The following RBM42 variants were observed in gnomAD, a reference collection of about 807,000 sequenced individuals.
RBM42 encodes RNA binding motif protein 42, also known as RNA-binding protein 42.
In RBM42, 21 loss-of-function variants were observed where a neutral mutation model predicts 41.4. That is an observed-to-expected ratio of 0.51 (90% CI 0.36 to 0.73). The LOEUF (loss-of-function observed/expected upper bound fraction) is 0.73. RBM42 is among the 30% of genes least tolerant of loss of function. The pLI, the probability that RBM42 is intolerant of heterozygous loss-of-function variation, is 0.00. For missense variants in RBM42, 539 were observed against 680.4 expected (o/e 0.79, Z 2.31); for synonymous variants, 272 against 271.2 (o/e 1.00, Z -0.03).
rs1367222145 is a variant in RBM42 at position 35,633,899 on chromosome 19, C to G, written c.897C>G (p.Pro299=). 6 of 1,595,358 alleles carry G rather than the reference C, an allele frequency of 3.8e-6. No homozygotes were observed. The highest frequency in any genetic ancestry group is 5.1e-6 in the Non-Finnish European group (6 of 1,175,004). Residue 299 remains proline, a synonymous_variant, in exon 7 of 10, where the codon CCC becomes CCG. Transcript: ENST00000262633. ...CATTGCCCGAGCCTGAGCCCCTGCC[C>G]CTCCCGTTGGAGGTCGTCCGCGGCC... ...AMPLPEPEPL[P]LPLEVVRGLL... is the part of the protein sequence containing the mutation.
In RBM42 at chr19:35,634,482, G is replaced by C. The variant is rs1599607811; in HGVS notation, c.1135+109G>C. On this transcript the variant is annotated intron_variant, in intron 8 of 9. Coordinates refer to ENST00000262633, the MANE Select transcript of RBM42 (RefSeq NM_024321.5). ...GAACCCTCTCAGTAGGGTGGGCGCTGTTGTTAGCCCACCTTGGGGAGGGGA... is the reference window on the plus strand; with the variant it reads ...GAACCCTCTCAGTAGGGTGGGCGCTCTTGTTAGCCCACCTTGGGGAGGGGA... 4.2e-6 allele frequency: 3 copies of C among 719,422 alleles called. No homozygotes were observed. In the East Asian group the frequency reaches 7.9e-5, roughly 19 times the overall value. The allele number at this position is 719,422 out of a possible 1,614,324, so 44.6% of individuals were successfully genotyped here.
intron 2 of RBM42, 65 bp from the exon 3 acceptor site, chr19:35,631,075 G>A: frequency 1.4e-6 from 2 of 1,417,026 alleles, no homozygotes; most frequent in Non-Finnish European, 2.0e-6. Flanking sequence ...GTCTCTTGGG[G>A]TGAGCTGGCC....
At chr19:35,631,307 T>A in intron 3 of RBM42, 24 bp from the exon 4 acceptor site, 1 of 1,613,976 alleles carries the variant, frequency 6.2e-7, no homozygotes. Context: ...CCTCCCACCA[T>A]CCTTGCCTCT....
Position 35,631,373 on chromosome 19 carries a change from A to G in RBM42, c.410A>G (p.Glu137Gly). 1 of 1,614,220 alleles carries G rather than the reference A, an allele frequency of 6.2e-7. No individual in the cohort carries two copies. Among genetic ancestry groups the G allele is most frequent in the Non-Finnish European group, 8.5e-7 (1 of 1,180,040 alleles). ...PGDRSHLDSP[E>G]AREAMFLRRA... ...GATCGGAGTCACCTGGACAGCCCAG[A>G]GGCTCGAGAAGCCATGTTCCTGCGG... Residue 137 changes from glutamate to glycine, a missense_variant, in exon 4 of 10, where the codon GAG becomes GGG. Transcript: ENST00000262633.
chr19:35,637,110 T>C lies in RBM42; in HGVS notation c.1136-48T>C, dbSNP rs1967510918. 1 of 1,538,968 alleles carries C rather than the reference T, an allele frequency of 6.5e-7. No homozygotes were observed. The highest frequency in any genetic ancestry group is 1.4e-5 in the African/African-American group (1 of 73,282). On this transcript the variant is annotated intron_variant, in intron 8 of 9. Transcript: ENST00000262633. The surrounding 1 kb of genome is among the most constrained non-coding windows in gnomAD (Gnocchi z 7.0). The stretch of plus-strand genomic sequence containing the variant: ...GGGATCGTTCAGACAAGGTAGACAC[T>C]GGGCAAGGCCTCTGCATCCTCTGAT...
At position 35,629,451 on chromosome 19, in the gene RBM42, T is replaced by C. The variant is rs1011759706; in HGVS notation, c.129-69T>C. On this transcript the variant is annotated intron_variant, in intron 1 of 9. Coordinates refer to ENST00000262633, the MANE Select transcript of RBM42 (RefSeq NM_024321.5). ...GAGGTTGGCAGGGGTGAGGGTCCCC[T>C]CGCGATATACCCACAGTTCCAAAAT... 3 of 1,588,606 alleles carry C rather than the reference T, an allele frequency of 1.9e-6. No homozygotes were observed. In the South Asian group the frequency reaches 3.4e-5, roughly 18 times the overall value.
In RBM42 at chr19:35,631,326, A is replaced by G. The variant is rs1967401288; in HGVS notation, c.368-5A>G. 6.2e-7 allele frequency: 1 copy of G among 1,614,172 alleles called. No homozygotes were observed. The highest frequency in any genetic ancestry group is 8.5e-7 in the Non-Finnish European group (1 of 1,180,024). On this transcript the variant is annotated splice_polypyrimidine_tract_variant and splice_region_variant and intron_variant, in intron 3 of 9. Coordinates refer to ENST00000262633, the MANE Select transcript of RBM42 (RefSeq NM_024321.5). ...CCACCATCCTTGCCTCTCCCCTCCC[A>G]ACAGTTGGCTTTGGCCCTGGTGATC...
intron 7 of RBM42, 73 bp downstream of exon 7, chr19:35,634,092 G>T: frequency 6.7e-7 from 1 of 1,490,402 alleles, no homozygotes; most frequent in South Asian, 1.3e-5. Context: ...CTTCCACACA[G>T]ACAGACCGGA....
Position 35,629,266 on chromosome 19 carries a change from A to G in RBM42, c.113A>G (p.Glu38Gly). Residue 38 changes from glutamate (E) to glycine (G), a missense_variant, in exon 1 of 10, where the codon GAG (glutamate) becomes GGG (glycine). This residue lies in a region of RBM42 where 429 missense variants were observed against 488.9 expected (regional missense o/e 0.88). Coordinates refer to ENST00000262633, the MANE Select transcript of RBM42 (RefSeq NM_024321.5). ...KSGEERLKEM[E>G]AEMALFEQEV... Reference sequence around the variant, plus strand: ...GGCGAGGAACGCTTGAAGGAAATGGAGGCGGAGATGGCCCTGTAAGGCCCG... The same window carrying G: ...GGCGAGGAACGCTTGAAGGAAATGGGGGCGGAGATGGCCCTGTAAGGCCCG... The G allele has an allele frequency of 6.5e-7, 1 of 1,534,262 alleles. No individual in the cohort carries two copies. The highest frequency in any genetic ancestry group is 8.7e-7 in the Non-Finnish European group (1 of 1,144,104).
rs547621000 is a variant in RBM42, at chr19:35,629,091, A to C, written c.-63A>C. ...ACCCGGACGAAGGGGGAGAGTAGAC[A>C]GCAGAACCAGCGGCGGCGGCTAAGC... On this transcript the variant is annotated 5_prime_UTR_variant, in exon 1 of 10. Transcript: ENST00000262633. 6.8e-7 allele frequency: 1 copy of C among 1,477,830 alleles called. No individual in the cohort carries two copies. The highest frequency in any genetic ancestry group is 8.9e-7 in the Non-Finnish European group (1 of 1,118,222). 91.5% of individuals were successfully genotyped at this position (1,477,830 alleles called of 1,614,324 possible).
At chr19:35,632,501 T>C (rs2239914) in intron 4 of RBM42, among the ~76,000 whole-genome samples, 98,856 of 152,106 alleles carry the variant, frequency 0.65, 33,014 homozygotes, top group East Asian at 0.8. Context: ...CATTGCCCCT[T>C]GGGTCTCAGC....
chr19:35,630,544 G>T (rs1050736256), intron 2 of RBM42, among the ~76,000 whole-genome samples: 4 of 152,172 alleles, frequency 2.6e-5, no homozygotes, highest in Admixed American at 6.5e-5. Context: ...AAGGCGGGTA[G>T]ATCACAAGGT....
At chr19:35,633,655 C>T (rs757895209) in intron 6 of RBM42, 32 bp from the exon 7 acceptor site, 11 of 1,397,668 alleles carry the variant, frequency 7.9e-6, no homozygotes, top group African/African-American at 4.5e-5. Flanking sequence ...GCCTGTGAGC[C>T]GGCCCCCCTC....
In RBM42 at chr19:35,631,120, C is replaced by A. The variant is rs772469440; in HGVS notation, c.283-20C>A. 4 of 1,611,992 alleles carry A rather than the reference C, an allele frequency of 2.5e-6. No individual in the cohort carries two copies. Among genetic ancestry groups the A allele is most frequent in the South Asian group, 1.1e-5 (1 of 90,982 alleles). ...GGGAATGCTGAGTCAGGCCCCTCAC[C>A]CTGACCTCTTCCTCGACAGGTCCAG... On this transcript the variant is annotated intron_variant, in intron 2 of 9. Transcript: ENST00000262633.
Position 35,637,648 on chromosome 19 carries a change from C to A in RBM42, c.*94C>A. 1 of 921,668 alleles carries A rather than the reference C, an allele frequency of 1.1e-6. No homozygotes were observed. Among genetic ancestry groups the A allele is most frequent in the Non-Finnish European group, 1.7e-6 (1 of 598,824 alleles). The allele number at this position is 921,668 out of a possible 1,614,324, so 57.1% of individuals were successfully genotyped here. A position where few individuals can be genotyped will look rare whatever the true frequency, so the allele number is the denominator to read the frequency against. ...CCCCCAGCTGTCCACCCATCCCCTG[C>A]CCCAAAACCAGTTTCAATAAATTTA... is the stretch of plus-strand genomic sequence containing the variant. On this transcript the variant is annotated 3_prime_UTR_variant, in exon 10 of 10. Transcript: ENST00000262633. This position sits in a 1 kb window ranked among gnomAD's most constrained non-coding sequence, Gnocchi z 7.0.
chr19:35,636,059 C>G (rs1326962803), intron 8 of RBM42, among the ~76,000 whole-genome samples: 1 of 152,148 alleles, frequency 6.6e-6, no homozygotes, highest in African/African-American at 2.4e-5. Flanking sequence ...ACTTCCACCC[C>G]CTCTCCTGGG....
At chr19:35,634,552 G>A (rs1967463401) in intron 8 of RBM42, among the ~76,000 whole-genome samples, 179 bp downstream of exon 8, 1 of 152,144 alleles carries the variant, frequency 6.6e-6, no homozygotes, top group African/African-American at 2.4e-5. Flanking sequence ...ATGGGCCGGA[G>A]CTTGGTGGAG....
At position 35,637,521 on chromosome 19, in the gene RBM42, G is replaced by A; in HGVS notation, c.1410G>A (p.Lys470=). 6.2e-7 allele frequency: 1 copy of A among 1,614,250 alleles called. No individual in the cohort carries two copies. The highest frequency in any genetic ancestry group is 1.6e-4 in the Middle Eastern group (1 of 6,062). The change falls in exon 10 of 10, where the codon AAG becomes AAA. Residue 470 remains lysine, a synonymous_variant. Transcript: ENST00000262633. The surrounding 1 kb of genome is among the most constrained non-coding windows in gnomAD (Gnocchi z 7.0). ...KDRNLDVVRK[K]QKEKKKLGLR is the part of the protein sequence containing the mutation. ...GGAATCTGGACGTGGTCCGCAAGAA[G>A]CAGAAGGAAAAGAAGAAGCTGGGCC...
At position 35,633,973 on chromosome 19, in the gene RBM42, C is replaced by G; in HGVS notation, c.971C>G (p.Pro324Arg). 6.5e-7 allele frequency: 1 copy of G among 1,545,782 alleles called. No homozygotes were observed. The highest frequency in any genetic ancestry group is 8.7e-7 in the Non-Finnish European group (1 of 1,151,396). ...IPELLSLRPR[P>R]RPPRPEPPPG... is the part of the protein sequence containing the mutation. ...GAACTCCTGTCCCTGCGTCCTCGGC[C>G]CCGGCCCCCTCGGCCAGAGCCACCC... Residue 324 changes from proline (P) to arginine (R), a missense_variant, in exon 7 of 10, where the codon CCC becomes CGC. By Grantham distance (103) the Pro-to-Arg change is moderately radical. This residue lies in a region of RBM42 where 429 missense variants were observed against 488.9 expected (regional missense o/e 0.88). Coordinates refer to ENST00000262633, the MANE Select transcript of RBM42 (RefSeq NM_024321.5).
Sources: allele counts gnomAD v4.1 joint callset (sites outside exome capture counted in the v4.1 genomes callset), GRCh38; gene constraint gnomAD v4.1.1; regional missense constraint gnomAD v4.1.1; non-coding constraint Gnocchi (gnomAD v3.1); transcripts MANE v1.5; gene names NCBI Gene and HGNC (gene_info 2026-07-23, HGNC 2026-07-21).